Variants in CERS4 observed in about 807,000 individuals in gnomAD.
CERS4 encodes ceramide synthase 4.
In CERS4, 65 loss-of-function variants were observed where a neutral mutation model predicts 51.8. That is an observed-to-expected ratio of 1.26 (90% CI 1.03 to 1.54). CERS4 has a LOEUF of 1.54. Ranked by LOEUF, CERS4 falls within the 40% of genes most tolerant of loss-of-function variation. The probability of loss-of-function intolerance (pLI) is 0.00; values close to 1 mark genes in which losing one functional copy is unlikely to be tolerated. For synonymous variants in CERS4, 228 were observed against 208.4 expected (o/e 1.09, Z -0.81); for missense variants, 563 against 500.4 (o/e 1.13, Z -1.19).
chr19:8,255,865 T>G lies in CERS4; in HGVS notation c.454T>G (p.Ser152Ala). The G allele has an allele frequency of 6.2e-7, 1 of 1,613,930 alleles. No individual in the cohort carries two copies. Among genetic ancestry groups the G allele is most frequent in the Non-Finnish European group, 8.5e-7 (1 of 1,180,024 alleles). The change falls in exon 6 of 12, where the codon TCG becomes GCG. Residue 152 changes from serine to alanine, a missense_variant. Coordinates refer to ENST00000251363, the MANE Select transcript of CERS4 (RefSeq NM_024552.3). ...CCTGTCCTCCTTCGTGGGCGGCCTC[T>G]CGGTCCTGTACCACGTGAGTATACC... is the stretch of plus-strand genomic sequence containing the variant. ...FYLSSFVGGL[S>A]VLYHESWLWA...
intron 2 of CERS4, among the ~76,000 whole-genome samples, chr19:8,234,103 G>A (rs556721257): frequency 2.0e-5 from 3 of 151,714 alleles, no homozygotes; most frequent in South Asian, 2.1e-4. Context: ...TCAGGAGATC[G>A]AGACCATCCT....
At chr19:8,261,898 C>G (rs374463193) in intron 11 of CERS4, 32 bp from the exon 12 acceptor site, 5 of 1,611,956 alleles carry the variant, frequency 3.1e-6, no homozygotes, top group Admixed American at 1.7e-5. Context: ...TTCCTCCCTG[C>G]TCTGAGCTCC....
At chr19:8,257,254 C>T (rs1223180186) in intron 9 of CERS4, 177 bp downstream of exon 9, 6 of 653,810 alleles carry the variant, frequency 9.2e-6, no homozygotes, top group South Asian at 2.1e-5. Flanking sequence ...GGCCCCACCC[C>T]CTCTGTCTTC....
At chr19:8,261,461 C>T (rs2145348286) in intron 10 of CERS4, 2 of 575,474 alleles carry the variant, frequency 3.5e-6, no homozygotes, top group South Asian at 4.3e-5. Flanking sequence ...GGTTCATAGT[C>T]ATGAATGGCC....
At chr19:8,239,153 G>C (rs1968406487) in intron 2 of CERS4, among the ~76,000 whole-genome samples, 1 of 151,972 alleles carries the variant, frequency 6.6e-6, no homozygotes, top group Non-Finnish European at 1.5e-5. Context: ...TGTAATCCCA[G>C]CACTTTGGGA....
chr19:8,218,732 A>G (rs114478786), intron 2 of CERS4, among the ~76,000 whole-genome samples: 2,892 of 152,292 alleles, frequency 0.019, 112 homozygotes, highest in African/African-American at 0.067. Context: ...TCTGAGAGGA[A>G]GTGCTTTGCC....
chr19:8,236,352 T>G (rs1221114859), intron 2 of CERS4, among the ~76,000 whole-genome samples: 1 of 152,176 alleles, frequency 6.6e-6, no homozygotes, highest in Non-Finnish European at 1.5e-5. Flanking sequence ...GGGGGAACTC[T>G]GTATATGCTA....
intron 2 of CERS4, among the ~76,000 whole-genome samples, chr19:8,245,888 CTA>C (rs1231643171): frequency 1.2e-5 from 1 of 85,622 alleles, no homozygotes; most frequent in Non-Finnish European, 2.2e-5. Flanking sequence ...ACTGACAAAA[CTA>C]AGCTTTGATG....
chr19:8,257,714 G>T (rs988871383), intron 9 of CERS4, among the ~76,000 whole-genome samples, 165 bp from the exon 10 acceptor site: 1 of 152,172 alleles, frequency 6.6e-6, no homozygotes, highest in East Asian at 1.9e-4. Flanking sequence ...ACAGGCGTGA[G>T]CCACCATGCC....
At chr19:8,240,076 G>A (rs755458076) in intron 2 of CERS4, among the ~76,000 whole-genome samples, 1 of 152,098 alleles carries the variant, frequency 6.6e-6, no homozygotes, top group Non-Finnish European at 1.5e-5. Context: ...TGGAGGAGGT[G>A]ACATTTGAGC....
chr19:8,257,016 A>T lies in CERS4; in HGVS notation c.680A>T (p.Asn227Ile), dbSNP rs1280064794. 6.2e-7 allele frequency: 1 copy of T among 1,613,770 alleles called. No individual in the cohort carries two copies. The highest frequency in any genetic ancestry group is 1.1e-5 in the South Asian group (1 of 91,060). ...CTGATGACCTTCTCCTACAGTGCCAACCTGCTGCGCATTGGCTCTCTGGTG... is the reference window on the plus strand; with the variant it reads ...CTGATGACCTTCTCCTACAGTGCCATCCTGCTGCGCATTGGCTCTCTGGTG... Reference protein sequence around the residue: ...VILMTFSYSANLLRIGSLVLL... With the variant: ...VILMTFSYSAILLRIGSLVLL... The change falls in exon 9 of 12, where the codon AAC (asparagine) becomes ATC (isoleucine). Residue 227 changes from asparagine to isoleucine, a missense_variant. Transcript: ENST00000251363.
In CERS4 at chr19:8,209,776, C is replaced by T. The variant is rs34638372; in HGVS notation, c.-159+282C>T. ...TAGGGGCGATCCTGGCCTCGTGACG[C>T]GGGGGAATCCGGATGTGTGAGCCGG... On this transcript the variant is annotated intron_variant, in intron 1 of 11. Coordinates refer to ENST00000251363, the MANE Select transcript of CERS4 (RefSeq NM_024552.3). 1,455 of 152,346 alleles carry T rather than the reference C, an allele frequency of 9.6e-3. 6 individuals carry two copies. Among genetic ancestry groups the T allele is most frequent in the Middle Eastern group, 0.031 (9 of 294 alleles). 9.4% of individuals were successfully genotyped at this position (152,346 alleles called of 1,614,324 possible).
At chr19:8,252,485 C>T (rs117409124) in intron 3 of CERS4, among the ~76,000 whole-genome samples, 282 of 150,778 alleles carry the variant, frequency 1.9e-3, no homozygotes, top group Middle Eastern at 3.4e-3. Flanking sequence ...TTCACCTTGG[C>T]TGGAGTACAG....
intron 9 of CERS4, chr19:8,257,278 C>A (rs1969445419): frequency 1.7e-6 from 1 of 588,438 alleles, no homozygotes; most frequent in Non-Finnish European, 2.9e-6. Flanking sequence ...GGTGATGAAG[C>A]CCCACCCTTC....
chr19:8,254,741 T>A (rs1194320079), intron 4 of CERS4, 125 bp downstream of exon 4: 3 of 762,734 alleles, frequency 3.9e-6, no homozygotes, highest in Non-Finnish European at 6.5e-6. Context: ...GCAATGCCCC[T>A]ACTTTCCACT....
chr19:8,261,480 AGCTCGTGTGTGTGTTCT>A (rs1969698770), intron 10 of CERS4, 191 bp from the exon 11 acceptor site: 3 of 590,640 alleles, frequency 5.1e-6, no homozygotes, highest in Non-Finnish European at 9.0e-6. Flanking sequence ...CCAGTCAGGG[AGCTCGTGTGTGTGTTCT>A]GCTCATTTAG....
At chr19:8,250,746 C>T (rs898419346) in intron 2 of CERS4, 5 of 966,204 alleles carry the variant, frequency 5.2e-6, no homozygotes, top group East Asian at 8.3e-5. Context: ...TGAGCAACTG[C>T]GCCCGGCCTA....
chr19:8,246,639 T>TCTGTGTAGGGGCTGAC (rs1413942425), intron 2 of CERS4, among the ~76,000 whole-genome samples: 1 of 152,066 alleles, frequency 6.6e-6, no homozygotes, highest in Non-Finnish European at 1.5e-5. Context: ...TAGTTAATGA[T>TCTGTGTAGGGGCTGAC]CTGTGTGCTG....
intron 2 of CERS4, among the ~76,000 whole-genome samples, chr19:8,227,989 G>A (rs528576714): frequency 2.6e-4 from 39 of 152,196 alleles, no homozygotes; most frequent in South Asian, 6.2e-4. Flanking sequence ...AGCCTCCCGA[G>A]TAGCTGGGAT....
Sources: allele counts gnomAD v4.1 joint callset (sites outside exome capture counted in the v4.1 genomes callset), GRCh38; gene constraint gnomAD v4.1.1; transcripts MANE v1.5; gene names NCBI Gene and HGNC (gene_info 2026-07-23, HGNC 2026-07-21).